Variants in ADAM8 observed in about 807,000 individuals in gnomAD.
ADAM8 encodes the protein disintegrin and metalloproteinase domain-containing protein 8.
ADAM8 carries 104 observed loss-of-function variants against 102.4 expected under a neutral mutation model. The observed-to-expected ratio is 1.02, with a 90% confidence interval of 0.87 to 1.20. The LOEUF (loss-of-function observed/expected upper bound fraction) is 1.20. ADAM8 is among the 50% of genes most tolerant of loss of function. The probability of loss-of-function intolerance (pLI) is 0.00; values close to 1 mark genes in which losing one functional copy is unlikely to be tolerated. For synonymous variants in ADAM8, 517 were observed against 485.2 expected, an observed-to-expected ratio of 1.07 and a Z score of -0.86; for missense variants, 1,132 against 1,159.0, an observed-to-expected ratio of 0.98 and a Z score of 0.34.
chr10:133,263,207 C>T lies in ADAM8; in HGVS notation c.2424G>A (p.Leu808=). Residue 808 remains leucine (L), a synonymous_variant, in exon 23 of 23, where the codon CTG becomes CTA. Coordinates refer to ENST00000445355, the MANE Select transcript of ADAM8 (RefSeq NM_001109.5). The stretch of plus-strand genomic sequence containing the variant: ...CTTGCTTCCTCTGGATGGGGGGCTT[C>T]AGGGCAACCTTTGGGCCAACAGCAC... ...AEGAVGPKVA[L]KPPIQRKQGA... The T allele has an allele frequency of 6.2e-7, 1 of 1,612,442 alleles. No homozygotes were observed. Among genetic ancestry groups the T allele is most frequent in the South Asian group, 1.1e-5 (1 of 90,964 alleles).
At chr10:133,270,021 C>T in intron 16 of ADAM8, 47 bp from the exon 17 acceptor site, 1 of 1,587,924 alleles carries the variant, frequency 6.3e-7, no homozygotes, top group Non-Finnish European at 8.6e-7. Context: ...GACCTCTGCC[C>T]CGCCAGCGTC....
At chr10:133,275,197 T>C (rs1460242985) in intron 2 of ADAM8, among the ~76,000 whole-genome samples, 1 of 152,172 alleles carries the variant, frequency 6.6e-6, no homozygotes, top group Admixed American at 6.5e-5. Context: ...AAAGAGGAAT[T>C]TGGCTTATCA....
rs1315182419 is a variant in ADAM8, at chr10:133,272,821, C to A, written c.682G>T (p.Glu228Ter). 6.2e-7 allele frequency: 1 copy of A among 1,611,232 alleles called. No homozygotes were observed. Among genetic ancestry groups the A allele is most frequent in the Non-Finnish European group, 8.5e-7 (1 of 1,178,914 alleles). Residue 228 changes from glutamate to a stop codon, truncating the protein, a stop_gained, in exon 8 of 23, where the codon GAG becomes TAG. Coordinates refer to ENST00000445355, the MANE Select transcript of ADAM8 (RefSeq NM_001109.5). LOFTEE classifies it high-confidence loss of function. ...ACCTTGTCCACGTGATTCACCACCT[C>A]CAGCACCCGATGACGCACGGCTGCT... ...SEAAVRHRVLEVVNHVDKLYQ... is the reference protein window; with the variant it reads ...SEAAVRHRVL
intron 4 of ADAM8, 51 bp from the exon 5 acceptor site, chr10:133,273,889 C>A: frequency 6.4e-7 from 1 of 1,553,458 alleles, no homozygotes; most frequent in Non-Finnish European, 8.7e-7. Flanking sequence ...CATGGCCCCA[C>A]AGGCTCGGGG....
rs148399124 is a variant in ADAM8 at position 133,275,132 on chromosome 10, C to T, written c.150+352G>A. The T allele has an allele frequency of 2.4e-3, 832 of 340,946 alleles. 1 individual carries two copies. Among genetic ancestry groups the T allele is most frequent in the South Asian group, 4.3e-3 (140 of 32,428 alleles). 21.1% of individuals were successfully genotyped at this position (340,946 alleles called of 1,614,324 possible). A position where few individuals can be genotyped will look rare whatever the true frequency, so the allele number is the denominator to read the frequency against. On this transcript the variant is annotated intron_variant, in intron 2 of 22. Transcript: ENST00000445355. ...AGCCCTGGGAAACCCCCGCCAGGCC[C>T]CCCCCCCAACACAGGAAGGTGTGTC... is the stretch of plus-strand genomic sequence containing the variant.
rs1185004930 is a variant in ADAM8 at position 133,270,502 on chromosome 10, A to G, written c.1643T>C (p.Met548Thr). The G allele has an allele frequency of 1.3e-6, 2 of 1,581,752 alleles. No homozygotes were observed. The highest frequency in any genetic ancestry group is 2.3e-5 in the East Asian group (1 of 44,074). The change falls in exon 16 of 23, where the codon ATG becomes ACG. Residue 548 changes from methionine to threonine, a missense_variant. By Grantham distance (81) the Met-to-Thr change is moderately conservative. Transcript: ENST00000445355. Reference protein sequence around the residue: ...GCKASRYRADMCGVLQCKGGQ... With the variant: ...GCKASRYRADTCGVLQCKGGQ... ...ACCCTTGCACTGCAGAACGCCACAC[A>G]TGTCAGCCCTGTGGATGGACGGCAG...
At chr10:133,266,915 A>G (rs1252670600) in intron 21 of ADAM8, among the ~76,000 whole-genome samples, 1 of 152,146 alleles carries the variant, frequency 6.6e-6, no homozygotes, top group African/African-American at 2.4e-5. Flanking sequence ...TCAGCATGCC[A>G]GGGCTCCAGT....
chr10:133,274,105 A>T, intron 3 of ADAM8, 54 bp downstream of exon 3: 1 of 1,585,938 alleles, frequency 6.3e-7, no homozygotes, highest in Non-Finnish European at 8.6e-7. Flanking sequence ...CGCCGGGGAC[A>T]CCAGTGTGCT....
chr10:133,269,721 C>T (rs1298134252), intron 17 of ADAM8, among the ~76,000 whole-genome samples, 176 bp downstream of exon 17: 4 of 152,204 alleles, frequency 2.6e-5, no homozygotes, highest in Admixed American at 2.6e-4. Context: ...AGGTTCCATC[C>T]ACGGAGGCCA....
At chr10:133,275,938 G>C in intron 1 of ADAM8, 1 of 241,076 alleles carries the variant, frequency 4.1e-6, no homozygotes, top group African/African-American at 2.2e-5. Flanking sequence ...GACTCGGGCC[G>C]CCGACCTGCC....
chr10:133,275,341 G>T, intron 2 of ADAM8, 143 bp downstream of exon 2: 1 of 615,164 alleles, frequency 1.6e-6, no homozygotes. Context: ...GAGGAACGGA[G>T]ATGGGCCCCA....
chr10:133,271,329 C>T (rs1264566971), intron 12 of ADAM8, 40 bp from the exon 13 acceptor site: 1 of 1,588,668 alleles, frequency 6.3e-7, no homozygotes, highest in Non-Finnish European at 8.6e-7. Context: ...TGCACTGGGG[C>T]CGGGCTGGGC....
Position 133,272,229 on chromosome 10 carries a change from G to A in ADAM8, c.921C>T (p.Ser307=), listed in dbSNP as rs370527492. 35 of 1,548,596 alleles carry A rather than the reference G, an allele frequency of 2.3e-5. No individual in the cohort carries two copies. The highest frequency in any genetic ancestry group is 2.9e-5 in the Non-Finnish European group (33 of 1,146,060). The change falls in exon 10 of 23, where the codon TCC becomes TCT. Residue 307 remains serine (S), a synonymous_variant. Coordinates refer to ENST00000445355, the MANE Select transcript of ADAM8 (RefSeq NM_001109.5). ...CCCCTGAGCTGTGGGAGCACATGGC[G>A]GACACCCTGGCAAACCCCACGGTAG... The part of the protein sequence containing the change: ...TGTTVGFARV[S]AMCSHSSGAV...
chr10:133,268,846 G>A lies in ADAM8; in HGVS notation c.1965C>T (p.Pro655=), dbSNP rs535345577. 1.6e-5 allele frequency: 26 copies of A among 1,607,428 alleles called. No individual in the cohort carries two copies. Among genetic ancestry groups the A allele is most frequent in the African/African-American group, 2.7e-5 (2 of 74,938 alleles). Residue 655 remains proline (P), a synonymous_variant, in exon 19 of 23, where the codon CCC becomes CCT. Transcript: ENST00000445355. ...GCACCAGAACCACCACCACGAAGACGGGGAGGCTCCCGGACGCTGTGGGAC... is the reference window on the plus strand; with the variant it reads ...GCACCAGAACCACCACCACGAAGACAGGGAGGCTCCCGGACGCTGTGGGAC... ...TEVHAASGSL[P]VFVVVVLVLL...
At position 133,270,327 on chromosome 10, in the gene ADAM8, G is replaced by C. The variant is rs561066748; in HGVS notation, c.1785+33C>G. 5 of 1,560,722 alleles carry C rather than the reference G, an allele frequency of 3.2e-6. No homozygotes were observed. The East Asian group carries it at 1.1e-4, about 36-fold the overall frequency. On this transcript the variant is annotated intron_variant, in intron 16 of 22. Coordinates refer to ENST00000445355, the MANE Select transcript of ADAM8 (RefSeq NM_001109.5). ...GTGGGGCACATGCCCGGGATGCCTG[G>C]GGGGTGGCGCGGCCTCTGAGCCAGG...
At chr10:133,272,712 G>A (rs1176442511) in intron 8 of ADAM8, 86 bp downstream of exon 8, 2 of 1,530,850 alleles carry the variant, frequency 1.3e-6, no homozygotes, top group Non-Finnish European at 1.8e-6. Flanking sequence ...GGCAGAGCTG[G>A]AGCAGGTGGA....
Position 133,276,759 on chromosome 10 carries a change from T to C in ADAM8, c.46+13A>G. ...CCGCGCTGCGCCCGGGACGGTTCCCTGGAACCACTCACCAGGCAGCATCAT... is the reference window on the plus strand; with the variant it reads ...CCGCGCTGCGCCCGGGACGGTTCCCCGGAACCACTCACCAGGCAGCATCAT... On this transcript the variant is annotated intron_variant, in intron 1 of 22. Transcript: ENST00000445355. 1 of 1,533,416 alleles carries C rather than the reference T, an allele frequency of 6.5e-7. No individual in the cohort carries two copies. The highest frequency in any genetic ancestry group is 2.5e-5 in the East Asian group (1 of 39,324). The allele number at this position is 1,533,416 out of a possible 1,614,324, so 95.0% of individuals were successfully genotyped here.
At position 133,272,146 on chromosome 10, in the gene ADAM8, T is replaced by C. The variant is rs1010942241; in HGVS notation, c.957+47A>G. 1.9e-6 allele frequency: 3 copies of C among 1,538,786 alleles called. No homozygotes were observed. In the African/African-American group the frequency reaches 4.1e-5, roughly 21 times the overall value. The stretch of plus-strand genomic sequence containing the variant: ...CTGGACCGAGGCGTCCCCTCCCCTA[T>C]CCAGCTCTGGCCTCGGCCTGGCAAA... On this transcript the variant is annotated intron_variant, in intron 10 of 22. Transcript: ENST00000445355.
chr10:133,268,279 A>G (rs1481503810), intron 19 of ADAM8, among the ~76,000 whole-genome samples, 161 bp from the exon 20 acceptor site: 7 of 152,132 alleles, frequency 4.6e-5, no homozygotes, highest in Non-Finnish European at 1.5e-5. Flanking sequence ...GCGGACCCTG[A>G]AGAGGCAGGG....
Sources: gnomAD v4.1 joint callset for allele counts (sites outside exome capture counted in the v4.1 genomes callset) on GRCh38, gnomAD v4.1.1 for gene constraint, MANE v1.5 for transcripts, NCBI Gene and HGNC (gene_info 2026-07-23, HGNC 2026-07-21) for gene names.